The following NAA60 variants were observed in gnomAD, a reference collection of about 807,000 sequenced individuals.
The protein encoded by NAA60 is N-alpha-acetyltransferase 60.
NAA60 carries 8 observed loss-of-function variants against 26.1 expected under a neutral mutation model. That is an observed-to-expected ratio of 0.31 (90% CI 0.18 to 0.55). The LOEUF (loss-of-function observed/expected upper bound fraction) is 0.55. NAA60 is among the 20% of genes least tolerant of loss of function. NAA60 has a pLI of 0.93. For synonymous variants in NAA60, 131 were observed against 122.5 expected (o/e 1.07, Z -0.46); for missense variants, 290 against 311.3 (o/e 0.93, Z 0.51).
rs1000488448 is a variant in NAA60, at chr16:3,454,527, TA to T, written c.-7+5996del. Reference sequence around the variant, plus strand: ...CAAAACTTTATGGAACCAAAAAGCTTAAAAAAAAATCAGAAGTTTAATAGAT... The same window carrying T: ...CAAAACTTTATGGAACCAAAAAGCTTAAAAAAAATCAGAAGTTTAATAGAT... On this transcript the variant is annotated intron_variant, in intron 2 of 7. Transcript: ENST00000407558. Among the ~76,000 whole-genome samples, 128 of 151,378 alleles carry T rather than the reference TA, an allele frequency of 8.5e-4. 1 individual carries two copies. The highest frequency in any genetic ancestry group is 2.7e-3 in the African/African-American group (110 of 41,258).
chr16:3,462,732 G>C (rs1172834584), intron 2 of NAA60: 1 of 152,108 alleles, frequency 6.6e-6, no homozygotes, highest in South Asian at 2.1e-4. Flanking sequence ...GTAAGCACAA[G>C]AAACCACTAA....
At chr16:3,448,677 C>A in intron 2 of NAA60, 137 bp downstream of exon 2, 1 of 675,726 alleles carries the variant, frequency 1.5e-6, no homozygotes, top group East Asian at 2.9e-5. Context: ...TAGAAGGCGC[C>A]TAGTGAAACA....
rs2037119581 is a variant in NAA60 at position 3,485,781 on chromosome 16, T to G, written c.*521T>G. On this transcript the variant is annotated 3_prime_UTR_variant, in exon 8 of 8. Coordinates refer to ENST00000407558, the MANE Select transcript of NAA60 (RefSeq NM_001083601.3). ...CTTCCAGAACCAGCCCAAAGAAGCC[T>G]GGGGGGTGAGGAGTGGCCCCCACTC... is the stretch of plus-strand genomic sequence containing the variant. 7.1e-6 allele frequency: 3 copies of G among 420,798 alleles called. No homozygotes were observed. Among genetic ancestry groups the G allele is most frequent in the African/African-American group, 2.0e-5 (1 of 48,998 alleles). The allele number at this position is 420,798 out of a possible 1,614,324, so 26.1% of individuals were successfully genotyped here.
chr16:3,458,227 G>A (rs1473590501), intron 2 of NAA60: 1 of 975,484 alleles, frequency 1.0e-6, no homozygotes, highest in Non-Finnish European at 1.2e-6. Flanking sequence ...CTGCGGCGGG[G>A]CGCCGAGGGG....
In NAA60 at chr16:3,476,216, C is replaced by A. The variant is rs771069689; in HGVS notation, c.-6-6C>A. On this transcript the variant is annotated splice_polypyrimidine_tract_variant and splice_region_variant and intron_variant, in intron 2 of 7. Transcript: ENST00000407558. ...GGTGACGCGTCCCCCCCACCCTTCC[C>A]CACAGGTGTGAATGACAGAGGTGGT... is the stretch of plus-strand genomic sequence containing the variant. The A allele has an allele frequency of 6.2e-7, 1 of 1,605,044 alleles. No individual in the cohort carries two copies. Among genetic ancestry groups the A allele is most frequent in the South Asian group, 1.1e-5 (1 of 89,854 alleles).
intron 2 of NAA60, among the ~76,000 whole-genome samples, chr16:3,459,529 C>T (rs2035235500): frequency 6.6e-6 from 1 of 152,206 alleles, no homozygotes; most frequent in Non-Finnish European, 1.5e-5. Flanking sequence ...AGGTTCATCA[C>T]AGCAGTGAAG....
intron 2 of NAA60, among the ~76,000 whole-genome samples, chr16:3,453,996 A>C (rs2034883041): frequency 1.3e-5 from 2 of 152,122 alleles, no homozygotes; most frequent in African/African-American, 4.8e-5. Context: ...TGGATACTGG[A>C]CTTAGTTCCT....
chr16:3,485,771 C>A lies in NAA60; in HGVS notation c.*511C>A. ...GGCCCGTCCCCTTCCAGAACCAGCCCAAAGAAGCCTGGGGGGTGAGGAGTG... is the reference window on the plus strand; with the variant it reads ...GGCCCGTCCCCTTCCAGAACCAGCCAAAAGAAGCCTGGGGGGTGAGGAGTG... On this transcript the variant is annotated 3_prime_UTR_variant, in exon 8 of 8. Transcript: ENST00000407558. 2.3e-6 allele frequency: 1 copy of A among 431,070 alleles called. No individual in the cohort carries two copies. The highest frequency in any genetic ancestry group is 1.6e-5 in the South Asian group (1 of 61,750). 26.7% of individuals were successfully genotyped at this position (431,070 alleles called of 1,614,324 possible).
intron 2 of NAA60, chr16:3,458,009 G>C (rs957011245): frequency 1.0e-5 from 10 of 985,230 alleles, no homozygotes; most frequent in Non-Finnish European, 1.2e-5. Flanking sequence ...CTGCGCTGCC[G>C]GCAGGGAGCG....
chr16:3,476,431 C>A (rs1340027852), intron 3 of NAA60, 94 bp downstream of exon 3: 1 of 1,044,454 alleles, frequency 9.6e-7, no homozygotes, highest in Non-Finnish European at 1.4e-6. Flanking sequence ...GCCCTTAGGA[C>A]CGTGCTGCAA....
chr16:3,446,143 T>C (rs1191378755), intron 1 of NAA60, among the ~76,000 whole-genome samples: 1 of 152,228 alleles, frequency 6.6e-6, no homozygotes, highest in Admixed American at 6.5e-5. Flanking sequence ...GTATTGAAAT[T>C]ATTTCTATAG....
chr16:3,468,805 G>A (rs974182721), intron 2 of NAA60, among the ~76,000 whole-genome samples: 4 of 152,222 alleles, frequency 2.6e-5, no homozygotes, highest in Non-Finnish European at 4.4e-5. Context: ...GCCGGGCTCG[G>A]TAGCTCATGC....
chr16:3,476,350 G>C lies in NAA60; in HGVS notation c.110+13G>C. On this transcript the variant is annotated intron_variant, in intron 3 of 7. Transcript: ENST00000407558. ...GGTTCCCCATCGAGTAAGTGGAGCG[G>C]ATTGCAGGGTTGGGGAGAGCCCGTG... 2 of 1,609,180 alleles carry C rather than the reference G, an allele frequency of 1.2e-6. No homozygotes were observed. Among genetic ancestry groups the C allele is most frequent in the Non-Finnish European group, 1.7e-6 (2 of 1,176,142 alleles).
rs530105552 is a variant in NAA60 at position 3,479,985 on chromosome 16, T to A, written c.240+385T>A. On this transcript the variant is annotated intron_variant, in intron 4 of 7. Coordinates refer to ENST00000407558, the MANE Select transcript of NAA60 (RefSeq NM_001083601.3). ...TGTTGAAGGAAATGCTAGTTACAGT[T>A]AGAGGTCAGGGAAAGTACAGAGATA... Among the ~76,000 whole-genome samples the A allele has an allele frequency of 2.6e-5, 4 of 152,304 alleles. No homozygotes were observed. The East Asian group carries it at 7.7e-4, about 29-fold the overall frequency.
Position 3,486,035 on chromosome 16 carries a change from G to GC in NAA60, c.*775_*776insC, listed in dbSNP as rs2037130151. 8.6e-6 allele frequency: 2 copies of GC among 232,926 alleles called. No individual in the cohort carries two copies. The highest frequency in any genetic ancestry group is 9.8e-5 in the South Asian group (2 of 20,308). 14.4% of individuals were successfully genotyped at this position (232,926 alleles called of 1,614,324 possible). On this transcript the variant is annotated 3_prime_UTR_variant, in exon 8 of 8. Transcript: ENST00000407558. Reference sequence around the variant, plus strand: ...GGACAGGCATCGCCGAGACTCCTTGGGTCCTCCCCGCCCTCCCTCATGCTG... The same window carrying GC: ...GGACAGGCATCGCCGAGACTCCTTGGCGTCCTCCCCGCCCTCCCTCATGCTG...
chr16:3,468,635 G>A (rs186891355), intron 2 of NAA60, among the ~76,000 whole-genome samples: 319 of 152,352 alleles, frequency 2.1e-3, no homozygotes, highest in African/African-American at 7.4e-3. Context: ...CACGGCTTTT[G>A]TTTGGGTCAA....
At position 3,448,553 on chromosome 16, in the gene NAA60, G is replaced by A. The variant is rs771314907; in HGVS notation, c.-7+13G>A. 18 of 1,533,444 alleles carry A rather than the reference G, an allele frequency of 1.2e-5. No homozygotes were observed. The highest frequency in any genetic ancestry group is 3.3e-4 in the Middle Eastern group (2 of 6,006). 95.0% of individuals were successfully genotyped at this position (1,533,444 alleles called of 1,614,324 possible). A position where few individuals can be genotyped will look rare whatever the true frequency, so the allele number is the denominator to read the frequency against. ...AGAGCTCCAGAGAGTGAGTCAAAGCGCTCTGTGTCCTGCTATTAATGATGC... is the reference window on the plus strand; with the variant it reads ...AGAGCTCCAGAGAGTGAGTCAAAGCACTCTGTGTCCTGCTATTAATGATGC... On this transcript the variant is annotated intron_variant, in intron 2 of 7. Transcript: ENST00000407558.
At chr16:3,484,613 C>A (rs1325995713) in intron 6 of NAA60, 86 bp from the exon 7 acceptor site, 2 of 1,504,458 alleles carry the variant, frequency 1.3e-6, no homozygotes, top group African/African-American at 1.4e-5. Flanking sequence ...GCACACAGTC[C>A]CACAGGCCAC....
chr16:3,467,520 G>A lies in NAA60; in HGVS notation c.-6-8702G>A, dbSNP rs536659139. Among the ~76,000 whole-genome samples the A allele has an allele frequency of 1.2e-4, 18 of 152,282 alleles. 1 individual carries two copies. Among genetic ancestry groups the A allele is most frequent in the African/African-American group, 4.3e-4 (18 of 41,548 alleles). ...AGGAGGAGTCCCCCGTGGACTTGGG[G>A]CATTAGGACAGGGACTGCCAAGGAG... On this transcript the variant is annotated intron_variant, in intron 2 of 7. Transcript: ENST00000407558.
Sources: allele counts gnomAD v4.1 joint callset (sites outside exome capture counted in the v4.1 genomes callset), GRCh38; gene constraint gnomAD v4.1.1; transcripts MANE v1.5; gene names NCBI Gene and HGNC (gene_info 2026-07-23, HGNC 2026-07-21).